IREB2: variants seen among roughly 807,000 people sequenced by gnomAD.
IREB2 encodes iron responsive element binding protein 2.
A neutral mutation model predicts 118.8 loss-of-function variants in IREB2; 39 were observed. That is an observed-to-expected ratio of 0.33 (90% CI 0.25 to 0.43). The LOEUF (loss-of-function observed/expected upper bound fraction) is 0.43, where lower values mean the gene tolerates loss of function less well. Among genes scored for constraint, IREB2 ranks in the 20% least tolerant of loss-of-function variants. IREB2 has a pLI of 1.00. For missense variants in IREB2, 900 were observed against 1,147.3 expected (o/e 0.78, Z 3.11); for synonymous variants, 372 against 392.2 (o/e 0.95, Z 0.61).
At chr15:78,456,749 AT>A (rs1413818178) in intron 2 of IREB2, among the ~76,000 whole-genome samples, 3 of 152,038 alleles carry the variant, frequency 2.0e-5, no homozygotes, top group Admixed American at 2.0e-4. Flanking sequence ...TTAAATAAGA[AT>A]TTTTTAATAC....
upstream of IREB2, chr15:78,438,157 C>G: frequency 6.9e-6 from 4 of 579,066 alleles, no homozygotes; most frequent in Admixed American, 3.0e-5. Flanking sequence ...GGGAGTTAGG[C>G]GACAAATCCC....
rs150470954 is a variant in IREB2, at chr15:78,439,233, C to T, written c.20-562C>T. ...TGCTAATTTCCTAGAGATTCTGTTA[C>T]TTTTATTTTCAGTACTAAGCCCTGG... On this transcript the variant is annotated intron_variant, in intron 1 of 21. Coordinates refer to ENST00000258886, the MANE Select transcript of IREB2 (RefSeq NM_004136.4). Among the ~76,000 whole-genome samples the T allele has an allele frequency of 9.1e-3, 1,381 of 152,144 alleles. 13 individuals carry two copies. The highest frequency in any genetic ancestry group is 0.024 in the Middle Eastern group (7 of 292).
rs980164198 is a variant in IREB2, at chr15:78,499,290, A to G, written c.*1147A>G. The G allele has an allele frequency of 2.0e-5, 3 of 152,230 alleles. No individual in the cohort carries two copies. Among genetic ancestry groups the G allele is most frequent in the Non-Finnish European group, 4.4e-5 (3 of 68,034 alleles). 9.4% of individuals were successfully genotyped at this position (152,230 alleles called of 1,614,324 possible). On this transcript the variant is annotated 3_prime_UTR_variant, in exon 22 of 22. Coordinates refer to ENST00000258886, the MANE Select transcript of IREB2 (RefSeq NM_004136.4). ...CTCAATATGCATGTCTGCCCATCACATCAAATGTTCTGTCAACAAGATGTT... is the reference window on the plus strand; with the variant it reads ...CTCAATATGCATGTCTGCCCATCACGTCAAATGTTCTGTCAACAAGATGTT...
At chr15:78,455,365 A>C (rs1326140142) in intron 2 of IREB2, among the ~76,000 whole-genome samples, 1 of 152,128 alleles carries the variant, frequency 6.6e-6, no homozygotes, top group African/African-American at 2.4e-5. Flanking sequence ...GGGAGGAAGA[A>C]AGGAAATAAA....
At chr15:78,463,556 G>T (rs1427961913) in intron 3 of IREB2, among the ~76,000 whole-genome samples, 1 of 150,862 alleles carries the variant, frequency 6.6e-6, no homozygotes, top group African/African-American at 2.4e-5. Context: ...TAAAAATTTT[G>T]CCCTTTCTAA....
intron 2 of IREB2, among the ~76,000 whole-genome samples, chr15:78,450,845 TG>T (rs2051013233): frequency 6.6e-6 from 1 of 151,112 alleles, no homozygotes; most frequent in Admixed American, 6.6e-5. Flanking sequence ...TGTGTGTGTG[TG>T]TGTGTGTGTG....
intron 8 of IREB2, chr15:78,474,115 G>A (rs1351108491): frequency 6.6e-6 from 1 of 152,150 alleles, no homozygotes; most frequent in African/African-American, 2.4e-5. Flanking sequence ...GGATTTCCTA[G>A]TGAACAATAA....
intron 2 of IREB2, among the ~76,000 whole-genome samples, chr15:78,451,470 TCA>T (rs1442189902): frequency 1.3e-5 from 2 of 152,328 alleles, no homozygotes; most frequent in East Asian, 3.9e-4. Flanking sequence ...TTCATTTTTG[TCA>T]CACAGAATAT....
chr15:78,457,677 A>G (rs1254179371), intron 2 of IREB2, among the ~76,000 whole-genome samples: 2 of 152,036 alleles, frequency 1.3e-5, no homozygotes, highest in Admixed American at 1.3e-4. Context: ...TGTTCTGCTC[A>G]GTCCATTACC....
At chr15:78,493,524 T>C (rs1037768760) in intron 18 of IREB2, among the ~76,000 whole-genome samples, 3 of 152,196 alleles carry the variant, frequency 2.0e-5, no homozygotes, top group Non-Finnish European at 4.4e-5. Context: ...TGCATTTGGA[T>C]CCTGATTTGA....
At chr15:78,494,346 T>C (rs1596017423) in intron 20 of IREB2, 82 bp downstream of exon 20, 1 of 1,395,078 alleles carries the variant, frequency 7.2e-7, no homozygotes, top group East Asian at 2.3e-5. Flanking sequence ...TGTCAAAGTT[T>C]ATCTGGATTT....
chr15:78,485,634 T>C, intron 12 of IREB2, 71 bp from the exon 13 acceptor site: 1 of 1,454,214 alleles, frequency 6.9e-7, no homozygotes, highest in Admixed American at 2.1e-5. Flanking sequence ...ACTTCTCACT[T>C]TTTACTTTAA....
At chr15:78,480,961 A>G (rs1427062669) in intron 10 of IREB2, among the ~76,000 whole-genome samples, 1 of 151,702 alleles carries the variant, frequency 6.6e-6, no homozygotes, top group Non-Finnish European at 1.5e-5. Flanking sequence ...ATGAGCTGAG[A>G]TGGCACCACT....
At chr15:78,462,508 T>A (rs551999187) in intron 2 of IREB2, among the ~76,000 whole-genome samples, 6 of 152,354 alleles carry the variant, frequency 3.9e-5, no homozygotes, top group African/African-American at 1.4e-4. Flanking sequence ...TTTAAATTTA[T>A]TACAGACATT....
At chr15:78,478,227 C>T in intron 9 of IREB2, 70 bp from the exon 10 acceptor site, 2 of 1,056,010 alleles carry the variant, frequency 1.9e-6, no homozygotes, top group Non-Finnish European at 2.9e-6. Flanking sequence ...AAGTGAAACC[C>T]TGTCTGAAAA....
chr15:78,501,026 G>A lies in IREB2; in HGVS notation c.*2883G>A, dbSNP rs1467275035. The A allele has an allele frequency of 1.3e-5, 2 of 152,198 alleles. No individual in the cohort carries two copies. The highest frequency in any genetic ancestry group is 2.1e-4 in the South Asian group (1 of 4,836). The allele number at this position is 152,198 out of a possible 1,614,324, so 9.4% of individuals were successfully genotyped here. On this transcript the variant is annotated 3_prime_UTR_variant, in exon 22 of 22. Transcript: ENST00000258886. Reference sequence around the variant, plus strand: ...AGAAGAAATTATTTGACATTTTTCTGTGGTTGAATAGAAGACACCTTTCTT... The same window carrying A: ...AGAAGAAATTATTTGACATTTTTCTATGGTTGAATAGAAGACACCTTTCTT...
At chr15:78,487,679 T>C in intron 13 of IREB2, 54 bp from the exon 14 acceptor site, 1 of 959,028 alleles carries the variant, frequency 1.0e-6, no homozygotes. Context: ...AGACTTGTCC[T>C]TTCTCTATAA....
chr15:78,453,365 C>T (rs2656069), intron 2 of IREB2, among the ~76,000 whole-genome samples: 116,698 of 152,078 alleles, frequency 0.77, 44,992 homozygotes, highest in African/African-American at 0.81. Context: ...TGTTTAAGGA[C>T]AGAAATAATA....
chr15:78,450,588 G>A (rs536801598), intron 2 of IREB2, among the ~76,000 whole-genome samples: 1 of 152,266 alleles, frequency 6.6e-6, no homozygotes, highest in South Asian at 2.1e-4. Context: ...TGCTGGTAGG[G>A]GGCAAGAGCC....
Sources: allele counts gnomAD v4.1 joint callset (sites outside exome capture counted in the v4.1 genomes callset), GRCh38; gene constraint gnomAD v4.1.1; transcripts MANE v1.5; gene names NCBI Gene and HGNC (gene_info 2026-07-23, HGNC 2026-07-21).